Variants in OSGIN1 observed in about 807,000 individuals in gnomAD.
OSGIN1 encodes the protein oxidative stress induced growth inhibitor 1, also known as oxidative stress-induced growth inhibitor 1.
In OSGIN1, 19 loss-of-function variants were observed where a neutral mutation model predicts 20.1. The observed-to-expected ratio is 0.95, with a 90% CI of 0.66 to 1.39. The LOEUF (loss-of-function observed/expected upper bound fraction) is 1.39, where lower values mean the gene tolerates loss of function less well. OSGIN1 is among the 40% of genes most tolerant of loss of function. The pLI is 0.00. For synonymous variants in OSGIN1, 368 were observed against 297.8 expected (o/e 1.24, Z -2.43); for missense variants, 820 against 653.0 (o/e 1.26, Z -2.79).
intron 1 of OSGIN1, 49 bp from the exon 2 acceptor site, chr16:83,957,591 C>A (rs755805153): frequency 1.0e-6 from 1 of 963,758 alleles, no homozygotes; most frequent in Non-Finnish European, 1.6e-6. Flanking sequence ...TGTGTGGACA[C>A]CCAGGCCTCA....
chr16:83,956,088 G>A (rs922895485), intron 1 of OSGIN1, among the ~76,000 whole-genome samples: 38 of 152,204 alleles, frequency 2.5e-4, no homozygotes, highest in African/African-American at 9.2e-4. Flanking sequence ...TGAGCGGGCT[G>A]GACGCTACTG....
chr16:83,960,533 C>A (rs754887627), intron 3 of OSGIN1, 36 bp from the exon 4 acceptor site: 1 of 1,570,866 alleles, frequency 6.4e-7, no homozygotes, highest in Non-Finnish European at 8.7e-7. Context: ...ACCCCGCCCT[C>A]CTCCAGCAGC....
intron 5 of OSGIN1, among the ~76,000 whole-genome samples, chr16:83,962,492 C>G (rs1225377131): frequency 6.6e-6 from 1 of 152,190 alleles, no homozygotes; most frequent in Non-Finnish European, 1.5e-5. Flanking sequence ...CCGCCCACCT[C>G]GGCCTCCCAA....
intron 5 of OSGIN1, among the ~76,000 whole-genome samples, chr16:83,963,921 T>C (rs928370028): frequency 6.6e-6 from 1 of 152,158 alleles, no homozygotes; most frequent in African/African-American, 2.4e-5. Flanking sequence ...ACAACAACAA[T>C]AATAGAATAC....
chr16:83,958,097 G>C (rs907198362), intron 2 of OSGIN1, among the ~76,000 whole-genome samples: 1 of 152,066 alleles, frequency 6.6e-6, no homozygotes, highest in African/African-American at 2.4e-5. Context: ...GGCTGGTCTC[G>C]AACTCCTGAC....
rs765078854 is a variant in OSGIN1 at position 83,965,185 on chromosome 16, G to A, written c.612G>A (p.Gly204=). ...CTGTAGTCACAGCCGTGGAGTGGGG[G>A]ACCCCCGATCCCAGCAGCTGTGGGG... is the stretch of plus-strand genomic sequence containing the variant. ...SGAVVTAVEW[G]TPDPSSCGAQ... is the part of the protein sequence containing the mutation. The change falls in exon 6 of 6, where the codon GGG becomes GGA. Residue 204 remains glycine (G), a synonymous_variant. Coordinates refer to ENST00000393306, the MANE Select transcript of OSGIN1 (RefSeq NM_182981.3). 3.7e-6 allele frequency: 6 copies of A among 1,613,322 alleles called. No individual in the cohort carries two copies. The highest frequency in any genetic ancestry group is 5.1e-6 in the Non-Finnish European group (6 of 1,180,010).
intron 5 of OSGIN1, among the ~76,000 whole-genome samples, chr16:83,961,890 C>G (rs998755958): frequency 2.0e-5 from 3 of 152,272 alleles, no homozygotes; most frequent in South Asian, 2.1e-4. Flanking sequence ...CCCTTCAGCC[C>G]TTTCCTCTAT....
At chr16:83,953,445 C>G (rs528669754) in intron 1 of OSGIN1, 75 bp downstream of exon 1, 82 of 1,245,506 alleles carry the variant, frequency 6.6e-5, no homozygotes, top group Middle Eastern at 2.2e-4. Flanking sequence ...CCAGCTGGAC[C>G]GGAGGGTCTG....
At position 83,953,243 on chromosome 16, in the gene OSGIN1, G is replaced by A; in HGVS notation, c.-160G>A. The A allele has an allele frequency of 2.3e-6, 3 of 1,283,738 alleles. No individual in the cohort carries two copies. Among genetic ancestry groups the A allele is most frequent in the Non-Finnish European group, 3.0e-6 (3 of 985,236 alleles). The allele number at this position is 1,283,738 out of a possible 1,614,324, so 79.5% of individuals were successfully genotyped here. A position where few individuals can be genotyped will look rare whatever the true frequency, so the allele number is the denominator to read the frequency against. Reference sequence around the variant, plus strand: ...CCTCACTTCCCTCTGGCCTCTCAGAGCCTCTTGGATCCCCACAGGGTAATG... The same window carrying A: ...CCTCACTTCCCTCTGGCCTCTCAGAACCTCTTGGATCCCCACAGGGTAATG... On this transcript the variant is annotated 5_prime_UTR_variant, in exon 1 of 6. Transcript: ENST00000393306.
intron 5 of OSGIN1, among the ~76,000 whole-genome samples, chr16:83,963,077 C>T (rs1049909657): frequency 3.3e-5 from 5 of 152,216 alleles, no homozygotes; most frequent in South Asian, 2.1e-4. Flanking sequence ...GCTTCCTCCG[C>T]CCCCAGGGCT....
chr16:83,956,874 C>G (rs370024451), intron 1 of OSGIN1: 2 of 152,208 alleles, frequency 1.3e-5, no homozygotes, highest in African/African-American at 4.8e-5. Context: ...CTCTGGGAAC[C>G]GGCAGCTCTA....
rs904846823 is a variant in OSGIN1 at position 83,953,301 on chromosome 16, C to T, written c.-102C>T. 5 of 1,288,630 alleles carry T rather than the reference C, an allele frequency of 3.9e-6. No individual in the cohort carries two copies. The highest frequency in any genetic ancestry group is 3.0e-5 in the African/African-American group (2 of 65,858). 79.8% of individuals were successfully genotyped at this position (1,288,630 alleles called of 1,614,324 possible). On this transcript the variant is annotated 5_prime_UTR_variant, in exon 1 of 6. Transcript: ENST00000393306. The stretch of plus-strand genomic sequence containing the variant: ...CGATCTCGCGGGGGACTCTGTGATC[C>T]GTGTTCCCCTGACCCTCCTAGTGCA...
chr16:83,964,518 C>A (rs749657423), intron 5 of OSGIN1, among the ~76,000 whole-genome samples: 8 of 151,948 alleles, frequency 5.3e-5, no homozygotes, highest in Non-Finnish European at 1.0e-4. Flanking sequence ...ACATCCAGCT[C>A]CATAGATGAG....
intron 1 of OSGIN1, among the ~76,000 whole-genome samples, chr16:83,956,439 C>T (rs1358931455): frequency 1.3e-5 from 2 of 152,222 alleles, no homozygotes. Context: ...GGCCCCCACC[C>T]CTGGCCACTC....
intron 5 of OSGIN1, among the ~76,000 whole-genome samples, chr16:83,962,322 T>C (rs1014490514): frequency 6.6e-6 from 1 of 152,208 alleles, no homozygotes; most frequent in Non-Finnish European, 1.5e-5. Context: ...CACTGCAAGC[T>C]CCGCCTCCCA....
In OSGIN1 at chr16:83,965,798, G is replaced by C. The variant is rs1266306073; in HGVS notation, c.1225G>C (p.Gly409Arg). The change falls in exon 6 of 6, where the codon GGG (glycine) becomes CGG (arginine). Residue 409 changes from glycine (G) to arginine (R), a missense_variant. By Grantham distance (125) the Gly-to-Arg change is moderately radical (BLOSUM62 -2). Coordinates refer to ENST00000393306, the MANE Select transcript of OSGIN1 (RefSeq NM_182981.3). Reference protein sequence around the residue: ...HPDLSFLPGAGADFAVDPDQP... With the variant: ...HPDLSFLPGARADFAVDPDQP... ...CGACCTCTCCTTCCTGCCTGGGGCA[G>C]GGGCTGACTTTGCAGTGGATCCTGA... 3 of 1,613,106 alleles carry C rather than the reference G, an allele frequency of 1.9e-6. No homozygotes were observed. Among genetic ancestry groups the C allele is most frequent in the Non-Finnish European group, 8.5e-7 (1 of 1,179,968 alleles).
At chr16:83,954,862 G>A in intron 1 of OSGIN1, 1 of 500,946 alleles carries the variant, frequency 2.0e-6, no homozygotes, top group Non-Finnish European at 2.6e-6. Flanking sequence ...TGGGGTGGTG[G>A]GAAAATCTGA....
chr16:83,956,009 C>T (rs1376143939), intron 1 of OSGIN1, among the ~76,000 whole-genome samples: 2 of 152,206 alleles, frequency 1.3e-5, no homozygotes, highest in Non-Finnish European at 2.9e-5. Context: ...CTAGGCACAT[C>T]CTCACCCTCG....
intron 4 of OSGIN1, 99 bp downstream of exon 4, chr16:83,960,859 C>T: frequency 1.3e-6 from 2 of 1,481,628 alleles, no homozygotes; most frequent in East Asian, 2.3e-5. Flanking sequence ...TCATTCTCCA[C>T]CCCGCAACCC....
Sources: gnomAD v4.1 joint callset for allele counts (sites outside exome capture counted in the v4.1 genomes callset) on GRCh38, gnomAD v4.1.1 for gene constraint, MANE v1.5 for transcripts, NCBI Gene and HGNC (gene_info 2026-07-23, HGNC 2026-07-21) for gene names.